The following CDK19 variants were observed in gnomAD, a reference collection of about 807,000 sequenced individuals.
The protein encoded by CDK19 is cyclin dependent kinase 19.
In CDK19, 20 loss-of-function variants were observed where a neutral mutation model predicts 68.3. The ratio of observed to expected loss-of-function variants is 0.29; its 90% CI spans 0.21 to 0.43. The LOEUF (loss-of-function observed/expected upper bound fraction) is 0.43, where lower values mean the gene tolerates loss of function less well. Among genes scored for constraint, CDK19 ranks in the 20% least tolerant of loss-of-function variants. CDK19 has a pLI of 1.00. For synonymous variants in CDK19, 221 were observed against 222.8 expected (o/e 0.99, Z 0.07); for missense variants, 339 against 623.5 (o/e 0.54, Z 4.86).
At chr6:110,630,264 T>C (rs1293272209) in intron 6 of CDK19, among the ~76,000 whole-genome samples, 2 of 152,222 alleles carry the variant, frequency 1.3e-5, no homozygotes, top group Non-Finnish European at 1.5e-5. Context: ...TGTCCTAGTG[T>C]TTGGATTAAG....
At chr6:110,803,439 T>C (rs1782472851) in intron 1 of CDK19, among the ~76,000 whole-genome samples, 3 of 152,230 alleles carry the variant, frequency 2.0e-5, no homozygotes, top group East Asian at 1.9e-4. Context: ...TGTGTAACCA[T>C]TGTTTCATAA....
intron 2 of CDK19, among the ~76,000 whole-genome samples, chr6:110,732,375 T>G (rs1179636771): frequency 6.6e-6 from 1 of 152,068 alleles, no homozygotes; most frequent in Non-Finnish European, 1.5e-5. Flanking sequence ...TGGTGGTGCA[T>G]GCCTGTATTC....
chr6:110,723,116 T>C (rs1776038002), intron 2 of CDK19, among the ~76,000 whole-genome samples: 1 of 128,340 alleles, frequency 7.8e-6, no homozygotes, highest in South Asian at 2.6e-4. Context: ...ATGACAATGC[T>C]CAGCTTTCAA....
At chr6:110,761,628 A>G (rs1583042644) in intron 1 of CDK19, among the ~76,000 whole-genome samples, 1 of 147,130 alleles carries the variant, frequency 6.8e-6, no homozygotes, top group African/African-American at 2.5e-5. Flanking sequence ...GGAGATGTGG[A>G]CTAGAGATAG....
chr6:110,759,565 T>C (rs1246526217), intron 1 of CDK19, among the ~76,000 whole-genome samples: 7 of 150,342 alleles, frequency 4.7e-5, no homozygotes, highest in Non-Finnish European at 7.4e-5. Context: ...ATCGCACCAT[T>C]GCACTCTAGC....
intron 4 of CDK19, among the ~76,000 whole-genome samples, chr6:110,639,287 T>C (rs1417851460): frequency 6.6e-6 from 1 of 152,142 alleles, no homozygotes; most frequent in Admixed American, 6.5e-5. Context: ...AGGCTGCAAA[T>C]GTATCTACCA....
intron 1 of CDK19, chr6:110,814,731 C>A (rs935913756): frequency 2.4e-5 from 15 of 619,014 alleles, no homozygotes; most frequent in African/African-American, 1.8e-4. Context: ...CAACTCGAGT[C>A]CCCCCGCCGT....
In CDK19 at chr6:110,667,591, A is replaced by ATAAT; in HGVS notation, c.316-18_316-17insATTA. 7.5e-7 allele frequency: 1 copy of ATAAT among 1,326,458 alleles called. No individual in the cohort carries two copies. The highest frequency in any genetic ancestry group is 1.0e-6 in the Non-Finnish European group (1 of 960,146). The allele number at this position is 1,326,458 out of a possible 1,614,324, so 82.2% of individuals were successfully genotyped here. A position where few individuals can be genotyped will look rare whatever the true frequency, so the allele number is the denominator to read the frequency against. On this transcript the variant is annotated splice_polypyrimidine_tract_variant and intron_variant, in intron 3 of 12. Coordinates refer to ENST00000368911, the MANE Select transcript of CDK19 (RefSeq NM_015076.5). ...AATAATATGCTAAAAATTAAAAAAA[A>ATAAT]ACATAATAATATAGTCTTTGCTAAT...
chr6:110,705,048 T>TC (rs1774330898), intron 2 of CDK19, among the ~76,000 whole-genome samples: 1 of 151,634 alleles, frequency 6.6e-6, no homozygotes, highest in Non-Finnish European at 1.5e-5. Flanking sequence ...TGTAGTTTTT[T>TC]TTTTTTTTTT....
intron 2 of CDK19, among the ~76,000 whole-genome samples, chr6:110,691,921 C>T (rs1454792867): frequency 6.6e-6 from 1 of 150,578 alleles, no homozygotes; most frequent in Non-Finnish European, 1.5e-5. Context: ...GCTCAGATTA[C>T]AGGCGTGAGC....
intron 1 of CDK19, among the ~76,000 whole-genome samples, chr6:110,809,130 G>C (rs571633030): frequency 6.6e-6 from 1 of 151,666 alleles, no homozygotes; most frequent in South Asian, 2.1e-4. Flanking sequence ...CAGGAGAATG[G>C]CATGAACCCA....
chr6:110,667,774 G>T (rs1238802863), intron 3 of CDK19, among the ~76,000 whole-genome samples, 200 bp from the exon 4 acceptor site: 1 of 152,016 alleles, frequency 6.6e-6, no homozygotes, highest in East Asian at 1.9e-4. Flanking sequence ...TTAATGAGGG[G>T]TTATAATGAC....
At chr6:110,674,187 C>A (rs568484217) in intron 2 of CDK19, among the ~76,000 whole-genome samples, 2 of 152,308 alleles carry the variant, frequency 1.3e-5, no homozygotes, top group South Asian at 4.1e-4. Flanking sequence ...CAAACTTAAT[C>A]TATAAATGTT....
intron 1 of CDK19, among the ~76,000 whole-genome samples, chr6:110,746,616 A>C (rs894958808): frequency 6.6e-6 from 1 of 152,242 alleles, no homozygotes; most frequent in Admixed American, 6.5e-5. Context: ...GATTCATTTA[A>C]AGTAATTTCA....
At chr6:110,615,682 A>G (rs1172710834) in intron 12 of CDK19, among the ~76,000 whole-genome samples, 2 of 152,206 alleles carry the variant, frequency 1.3e-5, no homozygotes, top group African/African-American at 4.8e-5. Context: ...TTTAAACGAC[A>G]ATAGTCCATC....
chr6:110,682,375 T>G (rs925898409), intron 2 of CDK19, among the ~76,000 whole-genome samples: 1 of 152,178 alleles, frequency 6.6e-6, no homozygotes, highest in Admixed American at 6.5e-5. Flanking sequence ...TTATGGCAAA[T>G]AGGAGATTTG....
chr6:110,687,995 T>C (rs1361405863), intron 2 of CDK19, among the ~76,000 whole-genome samples: 1 of 152,126 alleles, frequency 6.6e-6, no homozygotes, highest in Non-Finnish European at 1.5e-5. Context: ...TCACATACAC[T>C]CTCCTCTTTG....
intron 2 of CDK19, among the ~76,000 whole-genome samples, chr6:110,741,534 CA>C (rs1159203678): frequency 1.4e-5 from 2 of 146,208 alleles, no homozygotes; most frequent in East Asian, 4.0e-4. Flanking sequence ...TGATGAAAAA[CA>C]TTAATCTACA....
At chr6:110,776,134 A>T (rs1780376662) in intron 1 of CDK19, among the ~76,000 whole-genome samples, 1 of 152,220 alleles carries the variant, frequency 6.6e-6, no homozygotes, top group Non-Finnish European at 1.5e-5. Context: ...GTTAACTAAG[A>T]ACCAGAGAAA....
Sources: allele counts gnomAD v4.1 joint callset (sites outside exome capture counted in the v4.1 genomes callset), GRCh38; gene constraint gnomAD v4.1.1; transcripts MANE v1.5; gene names NCBI Gene and HGNC (gene_info 2026-07-23, HGNC 2026-07-21).